The following CTNNA3 variants were observed in gnomAD, a reference collection of about 807,000 sequenced individuals.
CTNNA3 encodes catenin alpha-3.
Under a neutral mutation model 95.7 loss-of-function variants are expected in CTNNA3, and 76 were observed. The ratio of observed to expected loss-of-function variants is 0.79; its 90% CI spans 0.66 to 0.96. The LOEUF is 0.96. Ranked by LOEUF, CTNNA3 falls within the 40% of genes least tolerant of loss-of-function variation. The probability of loss-of-function intolerance (pLI) is 0.00; values close to 1 mark genes in which losing one functional copy is unlikely to be tolerated. For synonymous variants in CTNNA3, 431 were observed against 374.4 expected (o/e 1.15, Z -1.74); for missense variants, 1,191 against 1,089.8 (o/e 1.09, Z -1.31).
At chr10:67,069,400 C>CA (rs1373764919) in intron 7 of CTNNA3, among the ~76,000 whole-genome samples, 2 of 151,796 alleles carry the variant, frequency 1.3e-5, no homozygotes, top group East Asian at 3.9e-4. Context: ...CTTATTAACT[C>CA]AAAAAACGCT....
intron 7 of CTNNA3, among the ~76,000 whole-genome samples, chr10:66,870,158 T>C (rs1589359573): frequency 6.6e-6 from 1 of 152,288 alleles, no homozygotes; most frequent in East Asian, 1.9e-4. Context: ...TTAAACTTCA[T>C]TATATGAACA....
chr10:66,735,594 C>T (rs952564860), intron 9 of CTNNA3, among the ~76,000 whole-genome samples: 11 of 151,992 alleles, frequency 7.2e-5, no homozygotes, highest in South Asian at 4.1e-4. Context: ...ATTTGATTCA[C>T]TATGGGTCAG....
At chr10:66,162,220 C>T (rs2084890541) in intron 13 of CTNNA3, among the ~76,000 whole-genome samples, 1 of 151,948 alleles carries the variant, frequency 6.6e-6, no homozygotes, top group Non-Finnish European at 1.5e-5. Context: ...AGGATTTCTT[C>T]TTGGTTTGGA....
intron 9 of CTNNA3, among the ~76,000 whole-genome samples, chr10:66,763,327 C>G (rs533411045): frequency 6.0e-4 from 65 of 109,192 alleles, no homozygotes; most frequent in Non-Finnish European, 9.9e-4. Flanking sequence ...CACACACACA[C>G]ACACACACAC....
At chr10:66,515,265 ATATCTATCTATCTATC>A (rs10606169) in intron 11 of CTNNA3, among the ~76,000 whole-genome samples, 11 of 145,914 alleles carry the variant, frequency 7.5e-5, no homozygotes, top group African/African-American at 1.0e-4. Context: ...CTTATTCCCT[ATATCTATCTATCTATC>A]TATCTATCTA....
intron 11 of CTNNA3, among the ~76,000 whole-genome samples, chr10:66,425,636 C>G (rs2093233077): frequency 6.6e-6 from 1 of 151,898 alleles, no homozygotes; most frequent in Non-Finnish European, 1.5e-5. Flanking sequence ...TACCTATATA[C>G]ACATTTGTAG....
chr10:66,415,477 C>T (rs890516050), intron 11 of CTNNA3, among the ~76,000 whole-genome samples: 8 of 152,124 alleles, frequency 5.3e-5, no homozygotes, highest in Non-Finnish European at 7.4e-5. Context: ...ATATTAGCTG[C>T]CCATGGACCC....
chr10:67,507,263 C>T (rs1411008526), intron 5 of CTNNA3, among the ~76,000 whole-genome samples: 3 of 152,216 alleles, frequency 2.0e-5, no homozygotes. Context: ...GGTGCAGTGG[C>T]TCACGCCTGT....
At chr10:67,145,602 TG>T (rs1334593226) in intron 7 of CTNNA3, among the ~76,000 whole-genome samples, 1 of 151,994 alleles carries the variant, frequency 6.6e-6, no homozygotes, top group Non-Finnish European at 1.5e-5. Flanking sequence ...GGCTAATTTT[TG>T]TATTTTTAGT....
chr10:67,340,607 G>C (rs538946842), intron 5 of CTNNA3, among the ~76,000 whole-genome samples: 1 of 152,332 alleles, frequency 6.6e-6, no homozygotes, highest in Admixed American at 6.5e-5. Context: ...TGGCCTCTAA[G>C]AGGCATAATC....
rs940206680 is a variant in CTNNA3 at position 67,036,572 on chromosome 10, T to G, written c.1047+143745A>C. ...ATTTTTGGTAGAGACAAGGTCTCCA[T>G]GTTGCCCAGGCTAGTATCAAAATCT... On this transcript the variant is annotated intron_variant, in intron 7 of 17. Coordinates refer to ENST00000433211, the MANE Select transcript of CTNNA3 (RefSeq NM_013266.4). 1.2e-4 allele frequency among the ~76,000 whole-genome samples: 18 copies of G among 152,124 alleles called. 1 individual carries two copies. Among genetic ancestry groups the G allele is most frequent in the African/African-American group, 4.1e-4 (17 of 41,420 alleles).
chr10:67,023,777 TTAACA>T (rs1245214516), intron 7 of CTNNA3, among the ~76,000 whole-genome samples: 2 of 152,300 alleles, frequency 1.3e-5, no homozygotes, highest in South Asian at 2.1e-4. Flanking sequence ...TGGATTTTAC[TTAACA>T]TAATATACAA....
intron 11 of CTNNA3, among the ~76,000 whole-genome samples, chr10:66,474,123 T>C (rs1224629906): frequency 6.6e-6 from 1 of 152,064 alleles, no homozygotes; most frequent in Non-Finnish European, 1.5e-5. Context: ...TACAATATAG[T>C]TAATCATAGT....
chr10:67,746,887 C>T (rs1251543074), intron 1 of CTNNA3, among the ~76,000 whole-genome samples: 1 of 152,182 alleles, frequency 6.6e-6, no homozygotes, highest in Non-Finnish European at 1.5e-5. Flanking sequence ...CAGGAGCCAG[C>T]GGGAGAAGGG....
chr10:66,504,950 C>T (rs1564496765), intron 11 of CTNNA3, among the ~76,000 whole-genome samples: 1 of 152,120 alleles, frequency 6.6e-6, no homozygotes, highest in African/African-American at 2.4e-5. Flanking sequence ...TATTTAGAAA[C>T]TATTATATTG....
At chr10:67,502,339 GA>G (rs1272420393) in intron 5 of CTNNA3, among the ~76,000 whole-genome samples, 1 of 152,126 alleles carries the variant, frequency 6.6e-6, no homozygotes, top group Non-Finnish European at 1.5e-5. Flanking sequence ...CCTTCCTCTG[GA>G]AGCTTCATCC....
chr10:66,696,764 C>T (rs1847780225), intron 9 of CTNNA3, among the ~76,000 whole-genome samples: 1 of 117,890 alleles, frequency 8.5e-6, no homozygotes, highest in South Asian at 3.0e-4. Flanking sequence ...GAAACTCTGT[C>T]TCTATTAAAA....
intron 5 of CTNNA3, among the ~76,000 whole-genome samples, chr10:67,262,345 T>G (rs1866653359): frequency 6.6e-6 from 1 of 152,168 alleles, no homozygotes; most frequent in South Asian, 2.1e-4. Context: ...GTGACTATTT[T>G]CAAAAGTCAT....
rs187089634 is a variant in CTNNA3, at chr10:66,460,218, C to T, written c.1531+60399G>A. ...ATAGCTGGTACAGCAAGCCTTCACT[C>T]ACACTCTTCTGTCCAATTGTTTTAA... On this transcript the variant is annotated intron_variant, in intron 11 of 17. Coordinates refer to ENST00000433211, the MANE Select transcript of CTNNA3 (RefSeq NM_013266.4). Among the ~76,000 whole-genome samples the T allele has an allele frequency of 2.4e-3, 368 of 152,268 alleles. 1 individual carries two copies. Among genetic ancestry groups the T allele is most frequent in the African/African-American group, 8.1e-3 (338 of 41,576 alleles).
Sources: allele counts gnomAD v4.1 joint callset (sites outside exome capture counted in the v4.1 genomes callset), GRCh38; gene constraint gnomAD v4.1.1; transcripts MANE v1.5; gene names NCBI Gene and HGNC (gene_info 2026-07-23, HGNC 2026-07-21).